The following LY6S variants were observed in gnomAD, a reference collection of about 807,000 sequenced individuals.
The protein encoded by LY6S is lymphocyte antigen 6 family member S, also known as lymphocyte antigen 6S.
At chr8:143,069,989 ACAC>A in the LY6S span, among the ~76,000 whole-genome samples, 3 of 152,250 alleles carry the variant, frequency 2.0e-5, no homozygotes, top group East Asian at 1.9e-4. Context: ...GCCATAACGA[ACAC>A]CACAACTGGG....
At chr8:143,063,800 G>A in the LY6S span, among the ~76,000 whole-genome samples, 1 of 152,204 alleles carries the variant, frequency 6.6e-6, no homozygotes, top group Non-Finnish European at 1.5e-5. Context: ...CCTGTCCGCT[G>A]TCAGCCAGTA....
chr8:143,041,054 G>A, the LY6S span, among the ~76,000 whole-genome samples: 11,599 of 152,160 alleles, frequency 0.076, 1,473 homozygotes, highest in African/African-American at 0.27. Flanking sequence ...CCACGGGACC[G>A]GGGCGAAATT....
the LY6S span, chr8:143,065,816 TTTCTTTCC>T: frequency 7.0e-6 from 1 of 142,484 alleles, no homozygotes; most frequent in African/African-American, 2.7e-5. Context: ...TCTTTCTTTC[TTTCTTTCC>T]TTCCTTCCTT....
the LY6S span, among the ~76,000 whole-genome samples, chr8:143,040,967 G>C: frequency 2.0e-5 from 3 of 152,288 alleles, no homozygotes; most frequent in Admixed American, 2.0e-4. Context: ...CAAATAGGAT[G>C]TGGGTCACAG....
chr8:143,072,016 C>A, the LY6S span, among the ~76,000 whole-genome samples: 3 of 152,260 alleles, frequency 2.0e-5, no homozygotes, highest in African/African-American at 7.2e-5. Flanking sequence ...GTGGCACCCC[C>A]ATGCTTCCTC....
At chr8:143,062,764 T>C in the LY6S span, among the ~76,000 whole-genome samples, 3 of 152,276 alleles carry the variant, frequency 2.0e-5, no homozygotes, top group East Asian at 3.9e-4. Context: ...TACTTTTAAA[T>C]TGATGTACAG....
At chr8:143,051,717 A>G in the LY6S span, among the ~76,000 whole-genome samples, 4 of 152,206 alleles carry the variant, frequency 2.6e-5, no homozygotes, top group South Asian at 4.1e-4. Flanking sequence ...CACACCTGTA[A>G]TCCCAGCACT....
the LY6S span, among the ~76,000 whole-genome samples, chr8:143,050,176 CTTTTTTTT>C: frequency 2.6e-5 from 3 of 114,868 alleles, no homozygotes; most frequent in Admixed American, 9.2e-5. Context: ...CAAAACCTGA[CTTTTTTTT>C]TTTTTTTTTT....
chr8:143,057,576 GT>G, the LY6S span: 1 of 1,270,646 alleles, frequency 7.9e-7, no homozygotes, highest in Non-Finnish European at 1.1e-6. Flanking sequence ...ACCGTCTCTG[GT>G]TTATCATCCT....
At chr8:143,054,690 A>T in the LY6S span, among the ~76,000 whole-genome samples, 2 of 152,054 alleles carry the variant, frequency 1.3e-5, no homozygotes, top group African/African-American at 4.8e-5. Context: ...CTAACTCCAC[A>T]CTGGCTACTA....
chr8:143,065,820 T>TTTCTTTCTTTCTTTCCTTCC, the LY6S span: 3 of 143,114 alleles, frequency 2.1e-5, no homozygotes, highest in Admixed American at 7.0e-5. Context: ...TCTTTCTTTC[T>TTTCTTTCTTTCTTTCCTTCC]TTCCTTCCTT....
the LY6S span, among the ~76,000 whole-genome samples, chr8:143,074,360 T>C: frequency 4.0e-4 from 61 of 152,204 alleles, no homozygotes; most frequent in Non-Finnish European, 6.3e-4. Context: ...TTGTGTACTT[T>C]TAATTCTATC....
the LY6S span, among the ~76,000 whole-genome samples, chr8:143,070,485 A>ATTTTTTTTTTTTTTTT: frequency 3.5e-5 from 3 of 84,826 alleles, no homozygotes; most frequent in East Asian, 4.5e-4. Context: ...AAATATATAT[A>ATTTTTTTTTTTTTTTT]TATATTTTTT....
At chr8:143,067,411 T>C in the LY6S span, among the ~76,000 whole-genome samples, 1 of 152,184 alleles carries the variant, frequency 6.6e-6, no homozygotes, top group Non-Finnish European at 1.5e-5. Flanking sequence ...GTAAAAGTCA[T>C]TGCCATTCTC....
At chr8:143,044,924 T>C in the LY6S span, 1 of 1,042,330 alleles carries the variant, frequency 9.6e-7, no homozygotes, top group Non-Finnish European at 1.2e-6. Context: ...ACCTGCCACC[T>C]GGACCTTTGC....
chr8:143,063,072 G>A, the LY6S span, among the ~76,000 whole-genome samples: 1 of 152,184 alleles, frequency 6.6e-6, no homozygotes, highest in Admixed American at 6.5e-5. Flanking sequence ...GACAAGTTCT[G>A]CCGAGTTCAC....
chr8:143,072,268 C>A, the LY6S span, among the ~76,000 whole-genome samples: 1 of 146,734 alleles, frequency 6.8e-6, no homozygotes, highest in African/African-American at 2.5e-5. Flanking sequence ...AGGAGACAGC[C>A]GTCGTCCCCG....
the LY6S span, among the ~76,000 whole-genome samples, chr8:143,061,163 C>T: frequency 0.14 from 21,052 of 151,816 alleles, 1,664 homozygotes; most frequent in East Asian, 0.34. Flanking sequence ...TGGTGGCTCA[C>T]GTCTGTAATC....
the LY6S span, chr8:143,059,853 G>C: frequency 2.0e-5 from 3 of 151,828 alleles, no homozygotes; most frequent in Admixed American, 2.0e-4. Context: ...TTGTTCATGA[G>C]TGTGGGCGGC....
Sources: allele counts gnomAD v4.1 joint callset (sites outside exome capture counted in the v4.1 genomes callset), GRCh38; gene constraint gnomAD v4.1.1; transcripts MANE v1.5; gene names NCBI Gene and HGNC (gene_info 2026-07-23, HGNC 2026-07-21).